The following DMD variants were observed in gnomAD, a reference collection of about 807,000 sequenced individuals.
The protein encoded by DMD is dystrophin.
A neutral mutation model predicts 330.1 loss-of-function variants in DMD; 63 were observed. That is an observed-to-expected ratio of 0.19 (90% CI 0.16 to 0.24). The LOEUF (loss-of-function observed/expected upper bound fraction) is 0.24. DMD is among the 10% of genes least tolerant of loss of function. DMD has a pLI of 1.00. For synonymous variants in DMD, 1,223 were observed against 959.8 expected (o/e 1.27, Z -5.07); for missense variants, 3,344 against 2,684.1 (o/e 1.25, Z -5.43).
chrX:32,558,836 G>T (rs778391636), intron 16 of DMD, among the ~76,000 whole-genome samples: 1 of 108,904 alleles, frequency 9.2e-6, no homozygotes, highest in Admixed American at 9.9e-5. Context: ...AAAACCTATT[G>T]CACTGATATA....
intron 60 of DMD, 131 bp from the exon 61 acceptor site, chrX:31,348,765 C>T: frequency 1.7e-6 from 1 of 583,617 alleles, no homozygotes; most frequent in Admixed American, 2.7e-5. Context: ...TTTCATAACT[C>T]TAGTTTTAAT....
chrX:32,096,418 GA>G (rs1164146090), intron 44 of DMD, among the ~76,000 whole-genome samples: 1 of 111,222 alleles, frequency 9.0e-6, no homozygotes, highest in Non-Finnish European at 1.9e-5. Flanking sequence ...TTCTAGCCAT[GA>G]GAAAAATAAT....
At chrX:31,725,124 T>C (rs996028690) in intron 52 of DMD, among the ~76,000 whole-genome samples, 3 of 111,735 alleles carry the variant, frequency 2.7e-5, no homozygotes, top group African/African-American at 9.8e-5. Context: ...TAAAATCATA[T>C]AGACGTGGGC....
intron 44 of DMD, among the ~76,000 whole-genome samples, chrX:32,037,795 C>T (rs1274840392): frequency 8.9e-6 from 1 of 111,837 alleles, no homozygotes; most frequent in East Asian, 2.8e-4. Flanking sequence ...ATGATGTTAT[C>T]ATTGAATCTC....
intron 7 of DMD, among the ~76,000 whole-genome samples, chrX:32,758,097 T>C (rs921969811): frequency 8.9e-6 from 1 of 112,228 alleles, no homozygotes; most frequent in Non-Finnish European, 1.9e-5. Flanking sequence ...GTTATCTTTA[T>C]TAGCTTTTCC....
chrX:31,382,515 A>T (rs1289100738), intron 60 of DMD, among the ~76,000 whole-genome samples: 1 of 111,733 alleles, frequency 8.9e-6, no homozygotes, highest in Non-Finnish European at 1.9e-5. Context: ...CTTAACTCTT[A>T]AAGTAAATAA....
intron 57 of DMD, among the ~76,000 whole-genome samples, chrX:31,479,680 T>C (rs1246328571): frequency 8.9e-6 from 1 of 112,436 alleles, no homozygotes; most frequent in Non-Finnish European, 1.9e-5. Context: ...TCTTTGAGAA[T>C]AGTAGAAATG....
chrX:31,318,350 C>A (rs1453774670), intron 62 of DMD, among the ~76,000 whole-genome samples: 4 of 111,882 alleles, frequency 3.6e-5, no homozygotes, highest in Non-Finnish European at 7.5e-5. Flanking sequence ...GTCAAATACT[C>A]GTACAAATAG....
chrX:32,283,102 T>C (rs1768918355), intron 43 of DMD, among the ~76,000 whole-genome samples: 1 of 111,562 alleles, frequency 9.0e-6, no homozygotes, highest in Admixed American at 9.6e-5. Flanking sequence ...CATGAAAACA[T>C]GTCACTGACC....
chrX:32,425,303 A>C (rs756025972), intron 29 of DMD, among the ~76,000 whole-genome samples: 1 of 111,043 alleles, frequency 9.0e-6, no homozygotes, highest in African/African-American at 3.3e-5. Context: ...CTTGGTGGAT[A>C]AACTTTCTCA....
At chrX:33,202,430 G>A (rs1309044026) in intron 1 of DMD, among the ~76,000 whole-genome samples, 2 of 111,580 alleles carry the variant, frequency 1.8e-5, no homozygotes, top group African/African-American at 3.3e-5. Flanking sequence ...ACCTTCTAGA[G>A]TTAATATGGA....
At chrX:32,069,890 T>C (rs192157334) in intron 44 of DMD, among the ~76,000 whole-genome samples, 1 of 111,743 alleles carries the variant, frequency 8.9e-6, no homozygotes, top group African/African-American at 3.3e-5. Flanking sequence ...AATTAAACCA[T>C]CAGCAACGTG....
intron 62 of DMD, among the ~76,000 whole-genome samples, chrX:31,262,365 T>C (rs1169606830): frequency 1.8e-5 from 2 of 111,939 alleles, no homozygotes; most frequent in East Asian, 5.6e-4. Flanking sequence ...CTACATGTTA[T>C]CACCTATGTT....
chrX:31,803,750 A>G (rs1808019875), intron 50 of DMD, among the ~76,000 whole-genome samples: 1 of 106,794 alleles, frequency 9.4e-6, no homozygotes, highest in Non-Finnish European at 1.9e-5. Context: ...CCCAGGCTGG[A>G]GCGCAATGGC....
chrX:32,208,375 G>T (rs2097079813), intron 44 of DMD, among the ~76,000 whole-genome samples: 1 of 111,787 alleles, frequency 8.9e-6, no homozygotes, highest in South Asian at 3.7e-4. Flanking sequence ...ATGTTCTGCA[G>T]GCTCTCCAAG....
intron 2 of DMD, among the ~76,000 whole-genome samples, chrX:32,894,327 G>C (rs2085496849): frequency 9.0e-6 from 1 of 111,476 alleles, no homozygotes; most frequent in Admixed American, 9.5e-5. Context: ...TTTATTAGAG[G>C]TTTACATACA....
At chrX:31,971,146 G>C (rs1034888138) in intron 44 of DMD, among the ~76,000 whole-genome samples, 3 of 111,960 alleles carry the variant, frequency 2.7e-5, no homozygotes, top group Admixed American at 1.9e-4. Context: ...TGCCAATACT[G>C]CTGGTCCAGG....
chrX:32,611,105 G>A (rs944570195), intron 12 of DMD, among the ~76,000 whole-genome samples: 1 of 110,523 alleles, frequency 9.0e-6, no homozygotes, highest in African/African-American at 3.3e-5. Context: ...TAAATTGTTT[G>A]ATGTTAAGTC....
chrX:31,957,649 A>G (rs187841045), intron 45 of DMD, among the ~76,000 whole-genome samples: 1,879 of 112,213 alleles, frequency 0.017, 24 homozygotes, highest in Non-Finnish European at 0.024. Context: ...CATAGTAGAG[A>G]GAGATAAAAT....
Sources: allele counts gnomAD v4.1 joint callset (sites outside exome capture counted in the v4.1 genomes callset), GRCh38; gene constraint gnomAD v4.1.1; transcripts MANE v1.5; gene names NCBI Gene and HGNC (gene_info 2026-07-23, HGNC 2026-07-21).